GRID1: variants seen among roughly 807,000 people sequenced by gnomAD.
GRID1 encodes the protein glutamate receptor ionotropic, delta-1.
In GRID1, 28 loss-of-function variants were observed where a neutral mutation model predicts 98.0. The ratio of observed to expected loss-of-function variants is 0.29; its 90% CI spans 0.21 to 0.39. The LOEUF is 0.39. Ranked by LOEUF, GRID1 falls within the 10% of genes least tolerant of loss-of-function variation. The pLI is 1.00. For missense variants in GRID1, 1,111 were observed against 1,340.5 expected, an observed-to-expected ratio of 0.83 and a Z score of 2.67; for synonymous variants, 553 against 538.5, an observed-to-expected ratio of 1.03 and a Z score of -0.37.
intron 13 of GRID1, among the ~76,000 whole-genome samples, chr10:85,645,362 A>G (rs1843173647): frequency 6.6e-6 from 1 of 152,348 alleles, no homozygotes; most frequent in African/African-American, 2.4e-5. Context: ...CTACAGCCAC[A>G]AAGATTCACT....
Position 86,023,197 on chromosome 10 carries a change from C to T in GRID1, c.727-106958G>A, listed in dbSNP as rs149308175. Among the ~76,000 whole-genome samples, 322 of 152,174 alleles carry T rather than the reference C, an allele frequency of 2.1e-3. 2 individuals are homozygous for T. Among genetic ancestry groups the T allele is most frequent in the African/African-American group, 7.2e-3 (301 of 41,526 alleles). ...GAGGGATGCAGTAGAGAGACCCTGC[C>T]CCTTTCCACACTAAGATCTGACCTA... On this transcript the variant is annotated intron_variant, in intron 4 of 15. Coordinates refer to ENST00000327946, the MANE Select transcript of GRID1 (RefSeq NM_017551.3).
chr10:85,793,653 T>A (rs187159909), intron 8 of GRID1, among the ~76,000 whole-genome samples: 38 of 152,264 alleles, frequency 2.5e-4, no homozygotes, highest in African/African-American at 8.7e-4. Context: ...GATAGTAACA[T>A]TTACAAGGTA....
chr10:86,337,230 C>T (rs1848235422), intron 2 of GRID1, among the ~76,000 whole-genome samples: 1 of 152,168 alleles, frequency 6.6e-6, no homozygotes, highest in Non-Finnish European at 1.5e-5. Context: ...AGCCCATCCC[C>T]TGTTAGGGAG....
At chr10:85,686,503 A>G (rs1841270824) in intron 12 of GRID1, among the ~76,000 whole-genome samples, 2 of 152,214 alleles carry the variant, frequency 1.3e-5, no homozygotes, top group Admixed American at 6.5e-5. Flanking sequence ...AATAAACTTT[A>G]CTATATGGTA....
chr10:85,821,539 A>AAAAAAAAAAAAACAAAC (rs770693495), intron 8 of GRID1, among the ~76,000 whole-genome samples: 4 of 97,594 alleles, frequency 4.1e-5, no homozygotes, highest in East Asian at 2.6e-4. Flanking sequence ...AAAAAAAAAA[A>AAAAAAAAAAAAACAAAC]AAAAAAGAAA....
intron 8 of GRID1, among the ~76,000 whole-genome samples, chr10:85,776,189 T>C (rs1286655218): frequency 6.6e-6 from 1 of 152,160 alleles, no homozygotes; most frequent in African/African-American, 2.4e-5. Flanking sequence ...GTAAGGCCTT[T>C]GCTGCTCCAA....
intron 8 of GRID1, among the ~76,000 whole-genome samples, chr10:85,807,190 A>T (rs1052875691): frequency 2.6e-5 from 4 of 152,004 alleles, no homozygotes; most frequent in African/African-American, 9.7e-5. Context: ...TCTCTACTAA[A>T]AATACAAAAA....
chr10:85,729,572 G>T lies in GRID1; in HGVS notation c.1276C>A (p.Gln426Lys). 3.7e-6 allele frequency: 6 copies of T among 1,613,082 alleles called. No individual in the cohort carries two copies. The highest frequency in any genetic ancestry group is 5.1e-6 in the Non-Finnish European group (6 of 1,179,242). The change falls in exon 9 of 16, where the codon CAA becomes AAA. Residue 426 changes from glutamine to lysine, a missense_variant. Gln to Lys is a moderately conservative substitution (Grantham distance 53). Coordinates refer to ENST00000327946, the MANE Select transcript of GRID1 (RefSeq NM_017551.3). Reference protein sequence around the residue: ...DSEKGLNGSLQERPMGSRLQG... With the variant: ...DSEKGLNGSLKERPMGSRLQG... ...AGGCGGCTGCCCATGGGCCTCTCTTGCAAGCTGCCATTCAAGCCCTTCTCT... is the reference window on the plus strand; with the variant it reads ...AGGCGGCTGCCCATGGGCCTCTCTTTCAAGCTGCCATTCAAGCCCTTCTCT...
intron 6 of GRID1, among the ~76,000 whole-genome samples, chr10:85,858,543 T>A (rs1043184438): frequency 6.6e-6 from 1 of 152,174 alleles, no homozygotes; most frequent in African/African-American, 2.4e-5. Flanking sequence ...CCACTGCATG[T>A]GTTGATAAGT....
chr10:85,687,103 T>C (rs2132605145), intron 12 of GRID1, among the ~76,000 whole-genome samples: 1 of 152,324 alleles, frequency 6.6e-6, no homozygotes, highest in Non-Finnish European at 1.5e-5. Flanking sequence ...GTACTGCAAC[T>C]TCTTCAGTTT....
At chr10:85,619,378 T>A (rs1407879905) in intron 14 of GRID1, among the ~76,000 whole-genome samples, 2 of 152,244 alleles carry the variant, frequency 1.3e-5, no homozygotes, top group South Asian at 2.1e-4. Context: ...TCTACTTTTT[T>A]AAAGTCTCCA....
intron 2 of GRID1, among the ~76,000 whole-genome samples, chr10:86,325,570 C>T (rs7073232): frequency 0.8 from 121,203 of 152,240 alleles, 49,187 homozygotes; most frequent in Non-Finnish European, 0.88. Context: ...GCAATAAGAC[C>T]AGGAATTAAC....
chr10:85,866,357 T>A (rs1843221529), intron 6 of GRID1, among the ~76,000 whole-genome samples: 1 of 146,922 alleles, frequency 6.8e-6, no homozygotes. Context: ...AAACCCTGAA[T>A]GTACCTGTCC....
chr10:86,162,224 C>G (rs1450782615), intron 3 of GRID1, among the ~76,000 whole-genome samples: 1 of 152,060 alleles, frequency 6.6e-6, no homozygotes, highest in Non-Finnish European at 1.5e-5. Flanking sequence ...GGCAGCAAGG[C>G]CCAGGGAGGA....
intron 13 of GRID1, among the ~76,000 whole-genome samples, chr10:85,633,664 C>T (rs967122500): frequency 2.0e-5 from 3 of 152,206 alleles, no homozygotes; most frequent in Admixed American, 6.5e-5. Flanking sequence ...AGAGCCTCAT[C>T]CTCTAACTCC....
chr10:86,325,269 A>T (rs1589449816), intron 2 of GRID1, among the ~76,000 whole-genome samples: 1 of 152,354 alleles, frequency 6.6e-6, no homozygotes, highest in Admixed American at 6.5e-5. Flanking sequence ...AACTAATATC[A>T]TCCTTACACA....
rs138052541 is a variant in GRID1 at position 85,876,676 on chromosome 10, G to C, written c.781-7496C>G. Among the ~76,000 whole-genome samples, 707 of 152,340 alleles carry C rather than the reference G, an allele frequency of 4.6e-3. 11 individuals carry two copies. Among genetic ancestry groups the C allele is most frequent in the East Asian group, 0.025 (130 of 5,174 alleles). The stretch of plus-strand genomic sequence containing the variant: ...CTCCGGTCTACAGCTCCCAGCGTGA[G>C]TGACACAGAAGACAGGTGATTTCTG... On this transcript the variant is annotated intron_variant, in intron 5 of 15. Transcript: ENST00000327946.
At chr10:85,703,445 C>T (rs190149545) in intron 12 of GRID1, among the ~76,000 whole-genome samples, 74 of 151,724 alleles carry the variant, frequency 4.9e-4, no homozygotes, top group Admixed American at 1.3e-3. Flanking sequence ...ATCTTAGAGA[C>T]GCCATATAGG....
intron 2 of GRID1, among the ~76,000 whole-genome samples, chr10:86,298,679 C>T (rs1178480420): frequency 6.6e-6 from 1 of 152,174 alleles, no homozygotes; most frequent in African/African-American, 2.4e-5. Flanking sequence ...GGCTTCCTCA[C>T]CTCCCTCTCT....
Sources: gnomAD v4.1 joint callset for allele counts (sites outside exome capture counted in the v4.1 genomes callset) on GRCh38, gnomAD v4.1.1 for gene constraint, MANE v1.5 for transcripts, NCBI Gene and HGNC (gene_info 2026-07-23, HGNC 2026-07-21) for gene names.